Variants in GSDME observed in about 807,000 individuals in gnomAD.
GSDME encodes gasdermin-E.
Under a neutral mutation model 47.5 loss-of-function variants are expected in GSDME, and 44 were observed. The ratio of observed to expected loss-of-function variants is 0.93; its 90% CI spans 0.73 to 1.19. The LOEUF (loss-of-function observed/expected upper bound fraction) is 1.19, where lower values mean the gene tolerates loss of function less well. Ranked by LOEUF, GSDME falls within the 50% of genes most tolerant of loss-of-function variation. The pLI is 0.00. For synonymous variants in GSDME, 258 were observed against 252.8 expected, an observed-to-expected ratio of 1.02 and a Z score of -0.20; for missense variants, 663 against 604.2, an observed-to-expected ratio of 1.10 and a Z score of -1.02.
rs563307009 is a variant in GSDME at position 24,748,956 on chromosome 7, G to A, written c.211+608C>T. 3.9e-5 allele frequency among the ~76,000 whole-genome samples: 6 copies of A among 152,226 alleles called. No individual in the cohort carries two copies. In the South Asian group the frequency reaches 1.2e-3, roughly 32 times the overall value. Reference sequence around the variant, plus strand: ...TCTTGATGGGTATGTGGCATCATCAGTTCAACACCAAACCACATTTGGGGT... The same window carrying A: ...TCTTGATGGGTATGTGGCATCATCAATTCAACACCAAACCACATTTGGGGT... On this transcript the variant is annotated intron_variant, in intron 2 of 9. Coordinates refer to ENST00000645220, the MANE Select transcript of GSDME (RefSeq NM_001127453.2).
the GSDME span, among the ~76,000 whole-genome samples, chr7:24,790,608 G>T: frequency 6.6e-6 from 1 of 152,154 alleles, no homozygotes; most frequent in African/African-American, 2.4e-5. This position sits in a 1 kb window ranked among gnomAD's most constrained non-coding sequence, Gnocchi z 4.1. Context: ...CTCCAGGTGG[G>T]TCCACACGGT....
At chr7:24,763,643 G>A in the GSDME span, among the ~76,000 whole-genome samples, 1 of 152,170 alleles carries the variant, frequency 6.6e-6, no homozygotes, top group African/African-American at 2.4e-5. This position sits in a 1 kb window ranked among gnomAD's most constrained non-coding sequence, Gnocchi z 4.3. Context: ...ATTTTTGGAT[G>A]GAGACTGATA....
At chr7:24,786,479 T>C in the GSDME span, among the ~76,000 whole-genome samples, 3 of 152,166 alleles carry the variant, frequency 2.0e-5, no homozygotes, top group African/African-American at 7.2e-5. The surrounding 1 kb of genome is among the most constrained non-coding windows in gnomAD (Gnocchi z 5.5). Context: ...CCTTAGTGAA[T>C]GCTTCTGACA....
rs954563845 is a variant in GSDME at position 24,756,112 on chromosome 7, T to C, written c.-20+1284A>G. Among the ~76,000 whole-genome samples, 9 of 152,192 alleles carry C rather than the reference T, an allele frequency of 5.9e-5. No homozygotes were observed. Among genetic ancestry groups the C allele is most frequent in the Non-Finnish European group, 8.8e-5 (6 of 68,030 alleles). On this transcript the variant is annotated intron_variant, in intron 1 of 9. Transcript: ENST00000645220. The surrounding 1 kb of genome is among the most constrained non-coding windows in gnomAD (Gnocchi z 4.2). Reference sequence around the variant, plus strand: ...AATAAAAATCGGTATGTGAACGCAATGATGGTCATAAGACAGGCAGGAGCT... The same window carrying C: ...AATAAAAATCGGTATGTGAACGCAACGATGGTCATAAGACAGGCAGGAGCT...
chr7:24,744,761 T>C lies in GSDME; in HGVS notation c.212-7A>G, dbSNP rs772398078. 2 of 1,613,878 alleles carry C rather than the reference T, an allele frequency of 1.2e-6. No homozygotes were observed. Among genetic ancestry groups the C allele is most frequent in the East Asian group, 4.5e-5 (2 of 44,874 alleles). On this transcript the variant is annotated splice_polypyrimidine_tract_variant and splice_region_variant and intron_variant, in intron 2 of 9. Transcript: ENST00000645220. This position sits in a 1 kb window ranked among gnomAD's most constrained non-coding sequence, Gnocchi z 4.5. Reference sequence around the variant, plus strand: ...AAGTCCGACTCCACGACCACTGGAATGGAGGAGACGAGCAGAGGAAGCCGA... The same window carrying C: ...AAGTCCGACTCCACGACCACTGGAACGGAGGAGACGAGCAGAGGAAGCCGA...
intron 1 of GSDME, among the ~76,000 whole-genome samples, chr7:24,753,318 T>C (rs969675505): frequency 6.6e-6 from 1 of 152,176 alleles, no homozygotes; most frequent in Non-Finnish European, 1.5e-5. Context: ...TTTATAGAGG[T>C]GTAGTTAAAA....
In GSDME at chr7:24,708,153, C is replaced by T. The variant is rs1253984647; in HGVS notation, c.964G>A (p.Glu322Lys). The stretch of plus-strand genomic sequence containing the variant: ...ACTGGTTCCAGGACCATGAGTAGTT[C>T]ATCATCAAATAGGACCGCCTGGAAG... The part of the protein sequence containing the change: ...DIFQAVLFDD[E>K]LLMVLEPVCD... Residue 322 changes from glutamate (E) to lysine (K), a missense_variant, in exon 7 of 10, where the codon GAA becomes AAA. Coordinates refer to ENST00000645220, the MANE Select transcript of GSDME (RefSeq NM_001127453.2). 1 of 1,614,072 alleles carries T rather than the reference C, an allele frequency of 6.2e-7. No homozygotes were observed. Among genetic ancestry groups the T allele is most frequent in the Non-Finnish European group, 8.5e-7 (1 of 1,180,012 alleles).
intron 3 of GSDME, among the ~76,000 whole-genome samples, chr7:24,729,594 GA>G (rs1472579666): frequency 3.3e-5 from 5 of 152,262 alleles, no homozygotes; most frequent in South Asian, 2.1e-4. Context: ...TGACACAGGA[GA>G]AGTGAGTCTG....
upstream of GSDME, among the ~76,000 whole-genome samples, chr7:24,762,003 C>A (rs1472614367): frequency 1.3e-5 from 2 of 151,908 alleles, no homozygotes; most frequent in African/African-American, 4.8e-5. Context: ...TCTGTATTCC[C>A]AACACTTTGA....
the GSDME span, among the ~76,000 whole-genome samples, chr7:24,786,083 C>T: frequency 1.3e-5 from 2 of 152,144 alleles, no homozygotes; most frequent in African/African-American, 4.8e-5. The surrounding 1 kb of genome is among the most constrained non-coding windows in gnomAD (Gnocchi z 5.5). Flanking sequence ...CAGACCATTT[C>T]TACTTATTCT....
In GSDME at chr7:24,712,848, G is replaced by A. The variant is rs556754998; in HGVS notation, c.698-2460C>T. Among the ~76,000 whole-genome samples the A allele has an allele frequency of 2.6e-5, 4 of 152,160 alleles. No individual in the cohort carries two copies. The highest frequency in any genetic ancestry group is 4.2e-4 in the South Asian group (2 of 4,818). ...AGCCTGACCAACATGGAGAAACCTC[G>A]TCTTTACTAAAAATACAAAATTAGC... On this transcript the variant is annotated intron_variant, in intron 5 of 9. Transcript: ENST00000645220. This position sits in a 1 kb window ranked among gnomAD's most constrained non-coding sequence, Gnocchi z 4.4.
chr7:24,791,918 G>C, the GSDME span, among the ~76,000 whole-genome samples: 1 of 152,230 alleles, frequency 6.6e-6, no homozygotes, highest in Non-Finnish European at 1.5e-5. The surrounding 1 kb of genome is among the most constrained non-coding windows in gnomAD (Gnocchi z 4.8). Flanking sequence ...AAGGAAGCTG[G>C]ATGGCCCTCG....
chr7:24,747,152 G>A (rs1584105081), intron 2 of GSDME, among the ~76,000 whole-genome samples: 1 of 152,056 alleles, frequency 6.6e-6, no homozygotes, highest in Non-Finnish European at 1.5e-5. Flanking sequence ...AGGAGTTCCT[G>A]GTCTATTTTG....
intron 4 of GSDME, among the ~76,000 whole-genome samples, chr7:24,717,864 G>A (rs147634771): frequency 1.3e-3 from 191 of 152,306 alleles, no homozygotes; most frequent in African/African-American, 4.1e-3. Context: ...GGAAGAGGCC[G>A]GAGGGAGGAG....
the GSDME span, among the ~76,000 whole-genome samples, chr7:24,772,049 G>A: frequency 1.2e-4 from 18 of 152,306 alleles, no homozygotes; most frequent in African/African-American, 3.4e-4. This position sits in a 1 kb window ranked among gnomAD's most constrained non-coding sequence, Gnocchi z 4.5. Context: ...CTGGTGACAC[G>A]AGCTTTGGGT....
the GSDME span, among the ~76,000 whole-genome samples, chr7:24,795,287 C>T: frequency 6.6e-6 from 1 of 152,184 alleles, no homozygotes; most frequent in East Asian, 1.9e-4. Context: ...CAGGCCTAAG[C>T]CTCCTAAGCA....
intron 7 of GSDME, among the ~76,000 whole-genome samples, chr7:24,706,830 G>C (rs1028792686): frequency 6.6e-6 from 1 of 152,258 alleles, no homozygotes; most frequent in African/African-American, 2.4e-5. Context: ...CCCTGCTGGA[G>C]AGCCAGTTCG....
chr7:24,718,918 G>C (rs1044243920), intron 4 of GSDME, 129 bp downstream of exon 4: 1 of 1,042,836 alleles, frequency 9.6e-7, no homozygotes, highest in Non-Finnish European at 1.5e-6. Context: ...TTAAGACAAC[G>C]TGAGTTGGGT....
chr7:24,788,543 G>T, the GSDME span, among the ~76,000 whole-genome samples: 1 of 152,108 alleles, frequency 6.6e-6, no homozygotes, highest in Non-Finnish European at 1.5e-5. This position sits in a 1 kb window ranked among gnomAD's most constrained non-coding sequence, Gnocchi z 4.6. Context: ...TCCTGCAGGG[G>T]CACCAACTAA....
Sources: gnomAD v4.1 joint callset for allele counts (sites outside exome capture counted in the v4.1 genomes callset) on GRCh38, gnomAD v4.1.1 for gene constraint, Gnocchi (gnomAD v3.1) non-coding constraint, MANE v1.5 for transcripts, NCBI Gene and HGNC (gene_info 2026-07-23, HGNC 2026-07-21) for gene names.